Variants in MAD1L1 observed in about 807,000 individuals in gnomAD.
MAD1L1 encodes mitotic arrest deficient 1 like 1.
MAD1L1 carries 95 observed loss-of-function variants against 96.9 expected under a neutral mutation model. The observed-to-expected ratio is 0.98, with a 90% CI of 0.83 to 1.16. The LOEUF (loss-of-function observed/expected upper bound fraction) is 1.16, where lower values mean the gene tolerates loss of function less well. Ranked by LOEUF, MAD1L1 falls within the 50% of genes most tolerant of loss-of-function variation. The probability of loss-of-function intolerance (pLI) is 0.00; values close to 1 mark genes in which losing one functional copy is unlikely to be tolerated. For missense variants in MAD1L1, 1,007 were observed against 954.4 expected (o/e 1.06, Z -0.73); for synonymous variants, 473 against 396.6 (o/e 1.19, Z -2.29).
intron 12 of MAD1L1, among the ~76,000 whole-genome samples, chr7:2,031,733 T>C (rs4719399): frequency 0.19 from 28,954 of 152,136 alleles, 5,411 homozygotes; most frequent in African/African-American, 0.48. Context: ...TCGCAAGGTC[T>C]CGCCAGCATG....
chr7:2,176,499 T>C (rs1294878769), intron 10 of MAD1L1, among the ~76,000 whole-genome samples: 1 of 151,844 alleles, frequency 6.6e-6, no homozygotes, highest in Non-Finnish European at 1.5e-5. Context: ...AAACAAAAGG[T>C]ATAAAGCTCA....
intron 12 of MAD1L1, among the ~76,000 whole-genome samples, chr7:2,019,033 C>T (rs989378016): frequency 3.3e-5 from 5 of 152,202 alleles, no homozygotes; most frequent in African/African-American, 9.7e-5. Flanking sequence ...TTCTAATTAC[C>T]TCTCCCGACG....
intron 12 of MAD1L1, among the ~76,000 whole-genome samples, chr7:2,052,961 C>T (rs1256925400): frequency 1.3e-5 from 2 of 152,086 alleles, no homozygotes; most frequent in African/African-American, 4.8e-5. Context: ...CCCCAAGTCC[C>T]GGGACAGCGG....
chr7:2,051,790 C>A (rs1319773569), intron 12 of MAD1L1, among the ~76,000 whole-genome samples: 1 of 150,430 alleles, frequency 6.6e-6, no homozygotes, highest in Non-Finnish European at 1.5e-5. Context: ...GCCAGGTCAC[C>A]TTGCTGTCCA....
intron 16 of MAD1L1, among the ~76,000 whole-genome samples, chr7:1,953,987 C>A (rs1007279189): frequency 2.6e-5 from 4 of 152,182 alleles, no homozygotes; most frequent in Admixed American, 2.6e-4. Flanking sequence ...GTGCCCCTCT[C>A]TACCCAGGGC....
Position 1,957,609 on chromosome 7 carries a change from A to G in MAD1L1, c.1596+20T>C. ...GAGAGGCCCAGGCAGTGCCTCACCC[A>G]GAGGCTGCCCCGCCCTCACCTGCAG... On this transcript the variant is annotated intron_variant, in intron 16 of 18. Transcript: ENST00000265854. 1.2e-6 allele frequency: 2 copies of G among 1,612,530 alleles called. No individual in the cohort carries two copies. Among genetic ancestry groups the G allele is most frequent in the South Asian group, 2.2e-5 (2 of 90,990 alleles).
intron 18 of MAD1L1, among the ~76,000 whole-genome samples, chr7:1,895,157 T>C (rs1786787742): frequency 6.6e-6 from 1 of 152,176 alleles, no homozygotes; most frequent in Non-Finnish European, 1.5e-5. Context: ...TGGGCCTTGA[T>C]GCTGGGGTTC....
chr7:1,847,340 T>C (rs1335300999), intron 18 of MAD1L1: 2 of 471,064 alleles, frequency 4.2e-6, no homozygotes, highest in Non-Finnish European at 8.8e-6. Flanking sequence ...TGGCAGGCGG[T>C]GCTCGCGGAG....
intron 11 of MAD1L1, among the ~76,000 whole-genome samples, chr7:2,075,156 G>A (rs1289388156): frequency 2.0e-5 from 3 of 152,176 alleles, no homozygotes; most frequent in Admixed American, 6.5e-5. Flanking sequence ...CTGAAGACCC[G>A]AGGAAGTGGC....
chr7:2,204,729 G>C (rs903075071), intron 10 of MAD1L1, among the ~76,000 whole-genome samples: 7 of 152,346 alleles, frequency 4.6e-5, no homozygotes, highest in African/African-American at 1.7e-4. Flanking sequence ...CAGACTGTTA[G>C]AATAAGGCTC....
chr7:2,197,250 C>G (rs922961961), intron 10 of MAD1L1, among the ~76,000 whole-genome samples: 1 of 152,182 alleles, frequency 6.6e-6, no homozygotes, highest in African/African-American at 2.4e-5. Context: ...ATGCTGCCAG[C>G]CTCTCAAGTG....
chr7:2,108,407 C>T (rs759138765), intron 11 of MAD1L1, among the ~76,000 whole-genome samples: 2 of 152,228 alleles, frequency 1.3e-5, no homozygotes, highest in African/African-American at 2.4e-5. Flanking sequence ...TCAAATTATA[C>T]TTTTTTAGTT....
At chr7:1,824,106 T>C (rs186759230) in intron 18 of MAD1L1, among the ~76,000 whole-genome samples, 1 of 151,932 alleles carries the variant, frequency 6.6e-6, no homozygotes, top group Non-Finnish European at 1.5e-5. Flanking sequence ...TGCAGGAAAA[T>C]GGCAGGTAGT....
rs148513113 is a variant in MAD1L1, at chr7:2,191,761, G to A, written c.986+21451C>T. Among the ~76,000 whole-genome samples, 1,399 of 151,142 alleles carry A rather than the reference G, an allele frequency of 9.3e-3. 17 individuals are homozygous for A. The highest frequency in any genetic ancestry group is 0.032 in the African/African-American group (1,328 of 41,176). ...AATTAAAAAAAATTAAGCCGGGTGC[G>A]GTGTCTCACGCCTGTAATCCCAGCA... On this transcript the variant is annotated intron_variant, in intron 10 of 18. Transcript: ENST00000265854.
rs544766668 is a variant in MAD1L1 at position 1,851,221 on chromosome 7, G to A, written c.1999-34993C>T. Among the ~76,000 whole-genome samples, 7 of 152,276 alleles carry A rather than the reference G, an allele frequency of 4.6e-5. No individual in the cohort carries two copies. In the East Asian group the frequency reaches 9.7e-4, roughly 21 times the overall value. The stretch of plus-strand genomic sequence containing the variant: ...GGGCGGCAGGAGCCCGGCCTCGGCC[G>A]GCACAGGGTGGAAGGTGGGGGTGAC... On this transcript the variant is annotated intron_variant, in intron 18 of 18. Coordinates refer to ENST00000265854, the MANE Select transcript of MAD1L1 (RefSeq NM_001013836.2).
At chr7:2,094,223 G>A (rs996486041) in intron 11 of MAD1L1, among the ~76,000 whole-genome samples, 1 of 152,208 alleles carries the variant, frequency 6.6e-6, no homozygotes, top group African/African-American at 2.4e-5. Flanking sequence ...CATGGTCAGT[G>A]TGGAGGAGTG....
At chr7:2,109,276 G>T (rs2128555069) in intron 11 of MAD1L1, among the ~76,000 whole-genome samples, 1 of 152,346 alleles carries the variant, frequency 6.6e-6, no homozygotes, top group East Asian at 1.9e-4. Context: ...CACATGGATA[G>T]TCCCTGCCTT....
chr7:2,111,210 C>T (rs778329995), intron 11 of MAD1L1, among the ~76,000 whole-genome samples: 2 of 152,204 alleles, frequency 1.3e-5, no homozygotes, highest in Non-Finnish European at 2.9e-5. Flanking sequence ...CCACACCATG[C>T]GGTCTGTGTG....
At chr7:2,208,786 C>T (rs752304403) in intron 10 of MAD1L1, among the ~76,000 whole-genome samples, 10 of 152,166 alleles carry the variant, frequency 6.6e-5, no homozygotes, top group African/African-American at 9.7e-5. Flanking sequence ...CTCCTGTGCC[C>T]GAGGTCTTGC....
Sources: gnomAD v4.1 joint callset for allele counts (sites outside exome capture counted in the v4.1 genomes callset) on GRCh38, gnomAD v4.1.1 for gene constraint, MANE v1.5 for transcripts, NCBI Gene and HGNC (gene_info 2026-07-23, HGNC 2026-07-21) for gene names.